SLC13A1: variants seen among roughly 807,000 people sequenced by gnomAD.
SLC13A1 encodes the protein solute carrier family 13 member 1, also known as Na(+)/sulfate cotransporter.
In SLC13A1, 65 loss-of-function variants were observed where a neutral mutation model predicts 70.0. The ratio of observed to expected loss-of-function variants is 0.93; its 90% confidence interval spans 0.76 to 1.14. The LOEUF is 1.14. SLC13A1 is among the 50% of genes most tolerant of loss of function. The pLI, the probability that SLC13A1 is intolerant of heterozygous loss-of-function variation, is 0.00. For missense variants in SLC13A1, 726 were observed against 717.8 expected, an observed-to-expected ratio of 1.01 and a Z score of -0.13; for synonymous variants, 275 against 250.5, an observed-to-expected ratio of 1.10 and a Z score of -0.92.
intron 4 of SLC13A1, 37 bp downstream of exon 4, chr7:123,169,111 G>A: frequency 1.3e-6 from 2 of 1,592,884 alleles, no homozygotes; most frequent in Non-Finnish European, 1.7e-6. Flanking sequence ...TTGCTCTAAT[G>A]ACTAGACCCC....
intron 6 of SLC13A1, among the ~76,000 whole-genome samples, chr7:123,165,772 A>G (rs1290944671): frequency 6.6e-6 from 1 of 152,120 alleles, no homozygotes; most frequent in Non-Finnish European, 1.5e-5. Context: ...GGTTTCCTGA[A>G]AAAAAAACAT....
chr7:123,148,487 T>A (rs1794440388), intron 6 of SLC13A1: 1 of 453,272 alleles, frequency 2.2e-6, no homozygotes, highest in Non-Finnish European at 4.4e-6. Flanking sequence ...AGAGATGACT[T>A]TCTAGGGTGT....
intron 2 of SLC13A1, 57 bp downstream of exon 2, chr7:123,180,916 A>G: frequency 2.6e-6 from 4 of 1,547,116 alleles, no homozygotes; most frequent in East Asian, 2.3e-5. Context: ...ACTTTTCTCA[A>G]TGGAAATCTC....
At chr7:123,144,751 G>A (rs1475875201) in intron 7 of SLC13A1, among the ~76,000 whole-genome samples, 1 of 152,128 alleles carries the variant, frequency 6.6e-6, no homozygotes, top group Non-Finnish European at 1.5e-5. Flanking sequence ...CGTCAAGGTT[G>A]ACTCTTAGGA....
chr7:123,120,053 G>A (rs562987222), intron 12 of SLC13A1, among the ~76,000 whole-genome samples: 5 of 152,016 alleles, frequency 3.3e-5, no homozygotes, highest in Admixed American at 6.6e-5. Flanking sequence ...GGTAATTGAT[G>A]TCTTTTCATG....
rs142447627 is a variant in SLC13A1 at position 123,122,439 on chromosome 7, G to A, written c.1350+687C>T. Among the ~76,000 whole-genome samples, 130 of 152,156 alleles carry A rather than the reference G, an allele frequency of 8.5e-4. 1 individual carries two copies. The highest frequency in any genetic ancestry group is 2.8e-3 in the African/African-American group (118 of 41,540). On this transcript the variant is annotated intron_variant, in intron 12 of 14. Coordinates refer to ENST00000194130, the MANE Select transcript of SLC13A1 (RefSeq NM_022444.4). ...GTAATTAATTTTCATGGAAATTTGG[G>A]AGAAGATAATTTTCTTCCAACAACT...
chr7:123,178,017 T>TCTCTCTC (rs1795506722), intron 2 of SLC13A1, among the ~76,000 whole-genome samples: 1 of 148,930 alleles, frequency 6.7e-6, no homozygotes, highest in East Asian at 2.0e-4. Context: ...ATCTCTCTCT[T>TCTCTCTC]TCTCTCTCTC....
intron 1 of SLC13A1, among the ~76,000 whole-genome samples, chr7:123,187,069 A>G (rs1795824516): frequency 6.6e-6 from 1 of 152,182 alleles, no homozygotes; most frequent in Non-Finnish European, 1.5e-5. Flanking sequence ...AGTTACATCA[A>G]GAAGTTCAGC....
At chr7:123,166,589 C>A (rs1159352838) in intron 6 of SLC13A1, among the ~76,000 whole-genome samples, 1 of 152,044 alleles carries the variant, frequency 6.6e-6, no homozygotes, top group Admixed American at 6.6e-5. Flanking sequence ...GTTCCCCTTC[C>A]TGTGCCCATG....
chr7:123,147,043 C>A, intron 7 of SLC13A1, 116 bp downstream of exon 7: 1 of 1,011,510 alleles, frequency 9.9e-7, no homozygotes, highest in Non-Finnish European at 1.4e-6. Flanking sequence ...TGAAGGGAAA[C>A]AAGGGAGAGT....
intron 13 of SLC13A1, among the ~76,000 whole-genome samples, chr7:123,117,969 T>C (rs1438265748): frequency 6.6e-6 from 1 of 151,236 alleles, no homozygotes; most frequent in Non-Finnish European, 1.5e-5. Context: ...TAATATAGTT[T>C]ATAATATATA....
chr7:123,182,994 C>G (rs1261033282), intron 1 of SLC13A1, among the ~76,000 whole-genome samples: 1 of 152,234 alleles, frequency 6.6e-6, no homozygotes, highest in Non-Finnish European at 1.5e-5. Context: ...AAAGAATCTT[C>G]TTTACACACT....
At chr7:123,147,037 G>T in intron 7 of SLC13A1, 122 bp downstream of exon 7, 1 of 947,498 alleles carries the variant, frequency 1.1e-6, no homozygotes, top group Non-Finnish European at 1.6e-6. Context: ...ATGTCCTGAA[G>T]GGAAACAAGG....
At chr7:123,151,390 A>G (rs1010149409) in intron 6 of SLC13A1, among the ~76,000 whole-genome samples, 20 of 115,468 alleles carry the variant, frequency 1.7e-4, no homozygotes, top group Non-Finnish European at 3.0e-4. Flanking sequence ...GTGTGTGTAT[A>G]TATATATATA....
In SLC13A1 at chr7:123,187,006, C is replaced by T. The variant is rs116656444; in HGVS notation, c.100-5905G>A. Among the ~76,000 whole-genome samples, 1,450 of 151,408 alleles carry T rather than the reference C, an allele frequency of 9.6e-3. 22 individuals are homozygous for T. The highest frequency in any genetic ancestry group is 0.033 in the African/African-American group (1,352 of 41,272). On this transcript the variant is annotated intron_variant, in intron 1 of 14. Coordinates refer to ENST00000194130, the MANE Select transcript of SLC13A1 (RefSeq NM_022444.4). ...AAAAAAAAAGTCCAGAGGACTTCCT[C>T]AAAAATACTACTTTTCTACTTAAAA...
chr7:123,148,953 T>C (rs1228791045), intron 6 of SLC13A1, among the ~76,000 whole-genome samples: 1 of 152,172 alleles, frequency 6.6e-6, no homozygotes, highest in Non-Finnish European at 1.5e-5. Context: ...AAAATGGTAT[T>C]AGTACTTTCC....
intron 10 of SLC13A1, among the ~76,000 whole-genome samples, chr7:123,127,599 A>G (rs992042499): frequency 2.6e-5 from 4 of 152,090 alleles, no homozygotes; most frequent in Non-Finnish European, 5.9e-5. Context: ...CTCAAAATGA[A>G]AAGTTTTATT....
chr7:123,165,106 A>AGCT (rs1795026822), intron 6 of SLC13A1, among the ~76,000 whole-genome samples: 2 of 152,248 alleles, frequency 1.3e-5, no homozygotes, highest in South Asian at 4.1e-4. Flanking sequence ...ATCAAAGAAC[A>AGCT]GCTGCAGTTT....
At chr7:123,157,881 A>C (rs1326392746) in intron 6 of SLC13A1, among the ~76,000 whole-genome samples, 1 of 152,146 alleles carries the variant, frequency 6.6e-6, no homozygotes, top group African/African-American at 2.4e-5. Flanking sequence ...GAAAATACAC[A>C]TAAAGCTGGT....
Sources: gnomAD v4.1 joint callset for allele counts (sites outside exome capture counted in the v4.1 genomes callset) on GRCh38, gnomAD v4.1.1 for gene constraint, MANE v1.5 for transcripts, NCBI Gene and HGNC (gene_info 2026-07-23, HGNC 2026-07-21) for gene names.